The following CTNND2 variants were observed in gnomAD, a reference collection of about 807,000 sequenced individuals.
CTNND2 encodes the protein catenin delta-2.
Under a neutral mutation model 144.4 loss-of-function variants are expected in CTNND2, and 22 were observed. The observed-to-expected ratio is 0.15, with a 90% confidence interval of 0.11 to 0.22. The LOEUF (loss-of-function observed/expected upper bound fraction) is 0.22. Among genes scored for constraint, CTNND2 ranks in the 10% least tolerant of loss-of-function variants. The pLI is 1.00. For missense variants in CTNND2, 1,353 were observed against 1,618.8 expected, an observed-to-expected ratio of 0.84 and a Z score of 2.82; for synonymous variants, 751 against 695.6, an observed-to-expected ratio of 1.08 and a Z score of -1.25.
intron 2 of CTNND2, among the ~76,000 whole-genome samples, chr5:11,614,825 G>A (rs1263407262): frequency 1.3e-5 from 2 of 152,180 alleles, no homozygotes; most frequent in African/African-American, 4.8e-5. Context: ...ACCAATATCA[G>A]TGTGGCCCTG....
chr5:11,799,892 T>C (rs1791588139), intron 1 of CTNND2, among the ~76,000 whole-genome samples: 1 of 152,150 alleles, frequency 6.6e-6, no homozygotes, highest in African/African-American at 2.4e-5. Context: ...TTCAGACTCA[T>C]ATCAAAACAC....
intron 9 of CTNND2, among the ~76,000 whole-genome samples, chr5:11,244,574 G>A (rs193033607): frequency 1.6e-4 from 25 of 152,190 alleles, no homozygotes; most frequent in African/African-American, 5.3e-4. Context: ...CATGAACCAC[G>A]GCGCCCGGCC....
chr5:11,712,640 C>T lies in CTNND2; in HGVS notation c.174+19496G>A, dbSNP rs183288010. ...TTTGAAACTCATTTTTCCAATGATG[C>T]TAATTCAATAGGTATAATTTAAATA... On this transcript the variant is annotated intron_variant, in intron 2 of 21. Coordinates refer to ENST00000304623, the MANE Select transcript of CTNND2 (RefSeq NM_001332.4). Among the ~76,000 whole-genome samples, 9 of 152,144 alleles carry T rather than the reference C, an allele frequency of 5.9e-5. 1 individual carries two copies. Among genetic ancestry groups the T allele is most frequent in the Admixed American group, 3.9e-4 (6 of 15,294 alleles).
At chr5:11,174,229 A>G (rs562126164) in intron 11 of CTNND2, among the ~76,000 whole-genome samples, 1 of 152,312 alleles carries the variant, frequency 6.6e-6, no homozygotes, top group South Asian at 2.1e-4. Context: ...AGCTGGGTGC[A>G]TGAGTTGAGT....
chr5:11,416,621 T>C (rs1761957045), intron 3 of CTNND2, among the ~76,000 whole-genome samples: 1 of 152,236 alleles, frequency 6.6e-6, no homozygotes, highest in Non-Finnish European at 1.5e-5. Flanking sequence ...AACAAACTAT[T>C]TATTTATTCA....
At chr5:10,985,736 A>G (rs1737856254) in intron 20 of CTNND2, among the ~76,000 whole-genome samples, 1 of 152,244 alleles carries the variant, frequency 6.6e-6, no homozygotes, top group African/African-American at 2.4e-5. Context: ...TGGGGCCACA[A>G]GAAATCTGAT....
chr5:11,222,397 G>C (rs1172392604), intron 10 of CTNND2, among the ~76,000 whole-genome samples: 4 of 152,160 alleles, frequency 2.6e-5, no homozygotes, highest in African/African-American at 4.8e-5. Flanking sequence ...TGTACCTGGT[G>C]GTTTTAATCA....
intron 2 of CTNND2, among the ~76,000 whole-genome samples, chr5:11,632,566 A>T (rs1781465937): frequency 6.6e-6 from 1 of 152,182 alleles, no homozygotes; most frequent in Non-Finnish European, 1.5e-5. Flanking sequence ...AAAAGTTATG[A>T]GTCACCCAAT....
At chr5:11,312,425 T>C (rs562346959) in intron 9 of CTNND2, among the ~76,000 whole-genome samples, 13 of 152,128 alleles carry the variant, frequency 8.5e-5, no homozygotes, top group East Asian at 5.8e-4. Flanking sequence ...GAAAGGCAGT[T>C]CTTACATGGC....
chr5:11,885,878 G>A (rs749146121), intron 1 of CTNND2, among the ~76,000 whole-genome samples: 5 of 152,000 alleles, frequency 3.3e-5, no homozygotes, highest in Non-Finnish European at 7.4e-5. Context: ...GAGGAACTTT[G>A]AAAACTACAA....
At chr5:11,207,873 T>C (rs1473527345) in intron 10 of CTNND2, among the ~76,000 whole-genome samples, 1 of 152,134 alleles carries the variant, frequency 6.6e-6, no homozygotes, top group East Asian at 1.9e-4. Context: ...GTGGGTGTGA[T>C]GGTCAATAGA....
intron 11 of CTNND2, among the ~76,000 whole-genome samples, chr5:11,184,471 C>T (rs763659330): frequency 6.6e-6 from 1 of 152,046 alleles, no homozygotes; most frequent in Non-Finnish European, 1.5e-5. Flanking sequence ...TGCATGAAAG[C>T]CAAATACTAT....
At chr5:11,603,646 A>T (rs1242668493) in intron 2 of CTNND2, among the ~76,000 whole-genome samples, 1 of 152,236 alleles carries the variant, frequency 6.6e-6, no homozygotes, top group Non-Finnish European at 1.5e-5. Context: ...TTTCCCTAAA[A>T]ATAAAAGGCA....
At chr5:11,255,537 A>C (rs1744146495) in intron 9 of CTNND2, among the ~76,000 whole-genome samples, 1 of 152,148 alleles carries the variant, frequency 6.6e-6, no homozygotes, top group Admixed American at 6.5e-5. Context: ...CATAAAGAAA[A>C]ATTCAATCTT....
chr5:11,459,882 T>C (rs1766046942), intron 3 of CTNND2, among the ~76,000 whole-genome samples: 1 of 152,182 alleles, frequency 6.6e-6, no homozygotes, highest in Admixed American at 6.5e-5. Flanking sequence ...CCTACATTCT[T>C]CACATGTCTC....
intron 1 of CTNND2, among the ~76,000 whole-genome samples, chr5:11,823,724 T>A (rs1484215315): frequency 1.3e-5 from 2 of 152,134 alleles, no homozygotes; most frequent in African/African-American, 4.8e-5. Flanking sequence ...CATGGTAATA[T>A]CATATTGTAC....
chr5:11,018,802 G>A (rs1026425762), intron 17 of CTNND2, among the ~76,000 whole-genome samples: 1 of 148,800 alleles, frequency 6.7e-6, no homozygotes, highest in African/African-American at 2.5e-5. Context: ...CCTCTGCCTC[G>A]CGGGTTCAAG....
intron 1 of CTNND2, among the ~76,000 whole-genome samples, chr5:11,879,339 G>GTATATATATATATATATATATATAA (rs368634452): frequency 9.9e-6 from 1 of 100,964 alleles, no homozygotes; most frequent in African/African-American, 3.4e-5. Context: ...AATTAAATGT[G>GTATATATATATATATATATATATAA]TGTATATATA....
rs184623810 is a variant in CTNND2, at chr5:11,124,014, G to A, written c.2160-6447C>T. Among the ~76,000 whole-genome samples the A allele has an allele frequency of 4.1e-3, 618 of 152,294 alleles. 4 individuals carry two copies. The highest frequency in any genetic ancestry group is 8.8e-3 in the Admixed American group (134 of 15,300). On this transcript the variant is annotated intron_variant, in intron 12 of 21. Transcript: ENST00000304623. ...ATGGGAAATAACACTAAACTTGTGA[G>A]GGGGGATCTCACAAGTAGAACATAA... is the stretch of plus-strand genomic sequence containing the variant.
Sources: allele counts gnomAD v4.1 joint callset (sites outside exome capture counted in the v4.1 genomes callset), GRCh38; gene constraint gnomAD v4.1.1; transcripts MANE v1.5; gene names NCBI Gene and HGNC (gene_info 2026-07-23, HGNC 2026-07-21).